Variants in MEIS2 observed in about 807,000 individuals in gnomAD.
The protein encoded by MEIS2 is Meis homeobox 2.
MEIS2 carries 9 observed loss-of-function variants against 58.6 expected under a neutral mutation model. The ratio of observed to expected loss-of-function variants is 0.15; its 90% confidence interval spans 0.09 to 0.27. The LOEUF (loss-of-function observed/expected upper bound fraction) is 0.27, where lower values mean the gene tolerates loss of function less well. Among genes scored for constraint, MEIS2 ranks in the 10% least tolerant of loss-of-function variants. The pLI is 1.00. For synonymous variants in MEIS2, 221 were observed against 228.4 expected, an observed-to-expected ratio of 0.97 and a Z score of 0.29; for missense variants, 427 against 635.0, an observed-to-expected ratio of 0.67 and a Z score of 3.52.
intron 9 of MEIS2, among the ~76,000 whole-genome samples, chr15:36,914,891 C>T (rs1375138242): frequency 2.6e-5 from 4 of 152,080 alleles, no homozygotes; most frequent in Non-Finnish European, 4.4e-5. Flanking sequence ...AAAAGAAAGA[C>T]GTGTGAAGTC....
intron 8 of MEIS2, among the ~76,000 whole-genome samples, chr15:37,030,313 C>T (rs980603547): frequency 5.3e-5 from 8 of 152,056 alleles, no homozygotes; most frequent in African/African-American, 9.7e-5. Context: ...ATATGGATTT[C>T]GGAAGGCAGA....
intron 3 of MEIS2, chr15:37,095,956 G>T: frequency 2.2e-6 from 1 of 449,050 alleles, no homozygotes; most frequent in Non-Finnish European, 4.0e-6. Flanking sequence ...TTGCCTCCCG[G>T]GCACTCCCGG....
chr15:36,908,391 G>C (rs1214776525), intron 9 of MEIS2, among the ~76,000 whole-genome samples: 1 of 152,164 alleles, frequency 6.6e-6, no homozygotes, highest in Non-Finnish European at 1.5e-5. Flanking sequence ...TTTAGCTTTA[G>C]AGGGTTAGTT....
At chr15:37,081,193 T>C (rs1892164406) in intron 7 of MEIS2, among the ~76,000 whole-genome samples, 2 of 152,216 alleles carry the variant, frequency 1.3e-5, no homozygotes. Context: ...TCATAATTTG[T>C]TTTGAAACTG....
chr15:36,956,065 C>T lies in MEIS2; in HGVS notation c.901-5665G>A, dbSNP rs552500212. Among the ~76,000 whole-genome samples the T allele has an allele frequency of 4.3e-5, 6 of 139,612 alleles. No homozygotes were observed. The East Asian group carries it at 6.5e-4, about 15-fold the overall frequency. The allele number at this position is 139,612 out of a possible 152,430, so 91.6% of individuals were successfully genotyped here. ...AAAAAAAATTAGCCGGGCGTGGTGG[C>T]GGGCGCCTGTAGTCCAGCTACTCGG... On this transcript the variant is annotated intron_variant, in intron 8 of 11. Coordinates refer to ENST00000561208, the MANE Select transcript of MEIS2 (RefSeq NM_170675.5).
At chr15:36,960,727 TA>T (rs2059151569) in intron 8 of MEIS2, among the ~76,000 whole-genome samples, 1 of 152,176 alleles carries the variant, frequency 6.6e-6, no homozygotes, top group Non-Finnish European at 1.5e-5. Context: ...AAACAGCTGA[TA>T]TTTTTTCTGT....
intron 9 of MEIS2, among the ~76,000 whole-genome samples, chr15:36,948,094 G>A (rs1350517233): frequency 1.3e-5 from 2 of 151,826 alleles, no homozygotes; most frequent in African/African-American, 4.8e-5. Context: ...ACTTGGACCC[G>A]AGGGCAGGAT....
intron 9 of MEIS2, among the ~76,000 whole-genome samples, chr15:36,939,074 G>A (rs1421790248): frequency 5.9e-5 from 9 of 152,008 alleles, no homozygotes. Flanking sequence ...CTACTTCCAT[G>A]GTCTCTCGTA....
At chr15:37,082,009 C>T (rs1034614994) in intron 7 of MEIS2, among the ~76,000 whole-genome samples, 1 of 152,214 alleles carries the variant, frequency 6.6e-6, no homozygotes, top group African/African-American at 2.4e-5. Context: ...TCTCCCACCT[C>T]CTCTTCTCTC....
Position 37,100,278 on chromosome 15 carries a change from A to ACTCGCGCTCGCTCT in MEIS2, c.-826_-813dup, listed in dbSNP as rs765687417. ...CTTTCTCGCTCGCTCGCTCGCTCTC[A>ACTCGCGCTCGCTCT]CTCGCGCTCGCTCTCTCGCGCTCGC... On this transcript the variant is annotated 5_prime_UTR_variant, in exon 1 of 12. Transcript: ENST00000561208. 2.0e-5 allele frequency: 3 copies of ACTCGCGCTCGCTCT among 148,722 alleles called. No homozygotes were observed. The highest frequency in any genetic ancestry group is 2.2e-4 in the South Asian group (1 of 4,590). 9.2% of individuals were successfully genotyped at this position (148,722 alleles called of 1,614,324 possible). A position where few individuals can be genotyped will look rare whatever the true frequency, so the allele number is the denominator to read the frequency against.
chr15:36,960,668 T>C (rs2059150319), intron 8 of MEIS2, among the ~76,000 whole-genome samples: 1 of 152,146 alleles, frequency 6.6e-6, no homozygotes. Context: ...TAAATGAGTG[T>C]TTCATACAAG....
chr15:36,959,425 C>A (rs1234644556), intron 8 of MEIS2, among the ~76,000 whole-genome samples: 3 of 152,196 alleles, frequency 2.0e-5, no homozygotes, highest in Non-Finnish European at 4.4e-5. Context: ...GCTATCCGTA[C>A]TTTACTACCA....
At chr15:36,951,177 T>A (rs2058738261) in intron 8 of MEIS2, among the ~76,000 whole-genome samples, 1 of 152,202 alleles carries the variant, frequency 6.6e-6, no homozygotes. Flanking sequence ...ACATTTATAA[T>A]GAACAGTTCT....
chr15:37,059,862 G>T (rs771175472), intron 7 of MEIS2, among the ~76,000 whole-genome samples: 1 of 152,082 alleles, frequency 6.6e-6, no homozygotes, highest in Non-Finnish European at 1.5e-5. Context: ...AATCGCTTGC[G>T]CCTGGGAGGT....
intron 9 of MEIS2, among the ~76,000 whole-genome samples, chr15:36,907,248 G>A (rs1290397732): frequency 6.6e-6 from 1 of 152,170 alleles, no homozygotes; most frequent in East Asian, 1.9e-4. Context: ...TAAGTGTGAT[G>A]GCTTCCAAAT....
intron 8 of MEIS2, among the ~76,000 whole-genome samples, chr15:36,968,162 G>A (rs78847821): frequency 0.021 from 3,157 of 152,246 alleles, 126 homozygotes; most frequent in African/African-American, 0.071. Context: ...TCGAAGCAGC[G>A]TAACAAATCC....
At chr15:36,971,754 T>C (rs1326641864) in intron 8 of MEIS2, among the ~76,000 whole-genome samples, 6 of 152,032 alleles carry the variant, frequency 3.9e-5, no homozygotes, top group African/African-American at 1.4e-4. Flanking sequence ...AATATTTCCT[T>C]AACAGCCTAA....
rs1235729695 is a variant in MEIS2 at position 36,892,383 on chromosome 15, A to C, written c.1224T>G (p.Thr408=). 3.1e-6 allele frequency: 5 copies of C among 1,613,930 alleles called. No homozygotes were observed. In the South Asian group the frequency reaches 5.5e-5, roughly 18 times the overall value. ...TAGGGTGTGGGGTCATCTGGGGAGGAGTGTAACTTGGCTGTGCCATACTCA... is the reference window on the plus strand; with the variant it reads ...TAGGGTGTGGGGTCATCTGGGGAGGCGTGTAACTTGGCTGTGCCATACTCA... The part of the protein sequence containing the change: ...MGMSMAQPSY[T]PPQMTPHPTQ... The change falls in exon 12 of 12, where the codon ACT becomes ACG. Residue 408 remains threonine (T), a synonymous_variant. Transcript: ENST00000561208.
intron 7 of MEIS2, among the ~76,000 whole-genome samples, chr15:37,072,355 AG>A (rs1158669664): frequency 6.6e-6 from 1 of 152,062 alleles, no homozygotes; most frequent in Non-Finnish European, 1.5e-5. Context: ...GTGGTGTGCC[AG>A]GGAATCTGTA....
Sources: gnomAD v4.1 joint callset for allele counts (sites outside exome capture counted in the v4.1 genomes callset) on GRCh38, gnomAD v4.1.1 for gene constraint, MANE v1.5 for transcripts, NCBI Gene and HGNC (gene_info 2026-07-23, HGNC 2026-07-21) for gene names.